RELN: variants seen among roughly 807,000 people sequenced by gnomAD.
RELN encodes the protein reelin.
A neutral mutation model predicts 427.6 loss-of-function variants in RELN; 108 were observed. That is an observed-to-expected ratio of 0.25 (90% CI 0.22 to 0.30). The LOEUF (loss-of-function observed/expected upper bound fraction) is 0.30, where lower values mean the gene tolerates loss of function less well. RELN is among the 10% of genes least tolerant of loss of function. The pLI is 1.00. For missense variants in RELN, 3,715 were observed against 4,302.8 expected (o/e 0.86, Z 3.82); for synonymous variants, 1,524 against 1,513.4 (o/e 1.01, Z -0.16).
intron 2 of RELN, among the ~76,000 whole-genome samples, chr7:103,899,376 G>A (rs1205230406): frequency 1.3e-5 from 2 of 152,032 alleles, no homozygotes; most frequent in Non-Finnish European, 2.9e-5. Context: ...ACGAGGAACT[G>A]GTACCATTCC....
rs111992468 is a variant in RELN at position 103,650,133 on chromosome 7, G to T, written c.2002+141C>A. Reference sequence around the variant, plus strand: ...CACATCCCTAGGCTTCTAACAGAATGCAAAGGAGAAATGGAAGAAAGGGTG... The same window carrying T: ...CACATCCCTAGGCTTCTAACAGAATTCAAAGGAGAAATGGAAGAAAGGGTG... On this transcript the variant is annotated intron_variant, in intron 16 of 64. Transcript: ENST00000428762. 1,569 of 696,178 alleles carry T rather than the reference G, an allele frequency of 2.3e-3. 11 individuals carry two copies. In the African/African-American group the frequency reaches 0.025, roughly 11 times the overall value. The allele number at this position is 696,178 out of a possible 1,614,324, so 43.1% of individuals were successfully genotyped here. A position where few individuals can be genotyped will look rare whatever the true frequency, so the allele number is the denominator to read the frequency against.
rs529519905 is a variant in RELN at position 103,593,190 on chromosome 7, A to C, written c.3912+492T>G. ...AAGTAAATACTTGCTATACATGTTG[A>C]TATGTTATCACAGAGCTGAAAAACA... On this transcript the variant is annotated intron_variant, in intron 27 of 64. Transcript: ENST00000428762. Among the ~76,000 whole-genome samples the C allele has an allele frequency of 1.5e-4, 23 of 152,356 alleles. 1 individual carries two copies. In the South Asian group the frequency reaches 4.8e-3, roughly 32 times the overall value.
intron 28 of RELN, among the ~76,000 whole-genome samples, chr7:103,588,490 G>A (rs560729922): frequency 6.6e-6 from 1 of 152,148 alleles, no homozygotes; most frequent in Admixed American, 6.5e-5. Context: ...AGAGAAGGGT[G>A]ACTATACTTA....
chr7:103,674,194 A>G (rs534382723), intron 11 of RELN, among the ~76,000 whole-genome samples: 1 of 152,286 alleles, frequency 6.6e-6, no homozygotes, highest in East Asian at 1.9e-4. Flanking sequence ...AAAATCCATT[A>G]AACTTGTTTC....
At chr7:103,645,642 G>T (rs1832782817) in intron 16 of RELN, among the ~76,000 whole-genome samples, 1 of 151,680 alleles carries the variant, frequency 6.6e-6, no homozygotes, top group African/African-American at 2.4e-5. Context: ...AATACTACTA[G>T]ACCTAAGAAA....
At chr7:103,986,535 C>A (rs1336726706) in intron 1 of RELN, among the ~76,000 whole-genome samples, 1 of 151,592 alleles carries the variant, frequency 6.6e-6, no homozygotes, top group Non-Finnish European at 1.5e-5. Flanking sequence ...CTGCCACACA[C>A]CCCAGTGTCA....
chr7:103,631,941 C>T (rs550748703), intron 19 of RELN, among the ~76,000 whole-genome samples: 71 of 152,078 alleles, frequency 4.7e-4, no homozygotes, highest in Non-Finnish European at 8.1e-4. Context: ...AATATTCTCT[C>T]TCATGAAAAT....
chr7:103,737,733 T>C (rs1790529752), intron 6 of RELN, among the ~76,000 whole-genome samples: 1 of 152,232 alleles, frequency 6.6e-6, no homozygotes, highest in Non-Finnish European at 1.5e-5. Context: ...GAATACCAGA[T>C]GCAGCAGAGT....
chr7:103,532,104 G>A (rs2079953), intron 46 of RELN, among the ~76,000 whole-genome samples: 12,789 of 151,578 alleles, frequency 0.084, 665 homozygotes, highest in South Asian at 0.16. Flanking sequence ...GGAATACTAT[G>A]CAGCCATAAA....
intron 3 of RELN, among the ~76,000 whole-genome samples, chr7:103,808,248 CT>C (rs1157755150): frequency 1.4e-5 from 2 of 138,858 alleles, no homozygotes; most frequent in African/African-American, 2.7e-5. Context: ...ACATCACACA[CT>C]GGGGACTGTT....
intron 3 of RELN, among the ~76,000 whole-genome samples, chr7:103,794,287 T>C (rs926816375): frequency 2.0e-5 from 3 of 152,102 alleles, no homozygotes; most frequent in Non-Finnish European, 2.9e-5. Flanking sequence ...CGAAAACTAC[T>C]AGTCTGAACA....
intron 2 of RELN, among the ~76,000 whole-genome samples, chr7:103,834,710 T>C (rs1023208553): frequency 6.6e-6 from 1 of 152,162 alleles, no homozygotes; most frequent in African/African-American, 2.4e-5. Context: ...TTCAGGATCA[T>C]ATGTCATTAG....
intron 22 of RELN, among the ~76,000 whole-genome samples, chr7:103,609,783 C>A (rs1831906385): frequency 6.6e-6 from 1 of 152,070 alleles, no homozygotes; most frequent in East Asian, 1.9e-4. Flanking sequence ...TAGTAATTTT[C>A]TTTTTACAAA....
At chr7:103,966,309 C>T (rs932664442) in intron 1 of RELN, among the ~76,000 whole-genome samples, 1 of 152,188 alleles carries the variant, frequency 6.6e-6, no homozygotes, top group African/African-American at 2.4e-5. Flanking sequence ...AGGGTGTCAG[C>T]CCATCACAGG....
At chr7:103,519,893 G>A (rs1441319723) in intron 48 of RELN, among the ~76,000 whole-genome samples, 1 of 152,018 alleles carries the variant, frequency 6.6e-6, no homozygotes, top group African/African-American at 2.4e-5. Context: ...ACATAGTATT[G>A]TGGCACTGAT....
chr7:103,926,626 A>AG (rs1795743288), intron 1 of RELN, among the ~76,000 whole-genome samples: 1 of 120,460 alleles, frequency 8.3e-6, no homozygotes, highest in South Asian at 2.6e-4. Flanking sequence ...AAGTATCATA[A>AG]GTTTTTTTTT....
chr7:103,900,186 C>T (rs1468801680), intron 2 of RELN, among the ~76,000 whole-genome samples: 3 of 152,102 alleles, frequency 2.0e-5, no homozygotes, highest in South Asian at 2.1e-4. Flanking sequence ...TGAGTGAACT[C>T]CCATTCACAA....
chr7:103,906,722 T>C (rs1354236699), intron 2 of RELN, among the ~76,000 whole-genome samples: 3 of 152,192 alleles, frequency 2.0e-5, no homozygotes, highest in East Asian at 1.9e-4. Flanking sequence ...TTGTACCTTA[T>C]GGTTTAAACT....
intron 4 of RELN, among the ~76,000 whole-genome samples, chr7:103,764,259 C>T (rs146793923): frequency 1.5e-3 from 236 of 152,262 alleles, no homozygotes; most frequent in Non-Finnish European, 2.0e-3. Context: ...TATGATGTTC[C>T]TTCTGGGCAC....
Sources: allele counts gnomAD v4.1 joint callset (sites outside exome capture counted in the v4.1 genomes callset), GRCh38; gene constraint gnomAD v4.1.1; transcripts MANE v1.5; gene names NCBI Gene and HGNC (gene_info 2026-07-23, HGNC 2026-07-21).